Variants in ANKRD42 observed in about 807,000 individuals in gnomAD.
ANKRD42 encodes the protein ankyrin repeat domain-containing protein 42.
In ANKRD42, 43 loss-of-function variants were observed where a neutral mutation model predicts 51.5. The observed-to-expected ratio is 0.83, with a 90% CI of 0.65 to 1.08. The LOEUF (loss-of-function observed/expected upper bound fraction) is 1.08, where lower values mean the gene tolerates loss of function less well. Ranked by LOEUF, ANKRD42 falls within the 50% of genes least tolerant of loss-of-function variation. The pLI is 0.00. For missense variants in ANKRD42, 608 were observed against 629.3 expected (o/e 0.97, Z 0.36); for synonymous variants, 203 against 213.0 (o/e 0.95, Z 0.41).
intron 6 of ANKRD42, 63 bp downstream of exon 6, chr11:83,225,118 G>A: frequency 1.4e-6 from 2 of 1,401,216 alleles, no homozygotes; most frequent in Non-Finnish European, 2.0e-6. Context: ...ATAATATAAT[G>A]AGTAGAATCA....
At position 83,228,311 on chromosome 11, in the gene ANKRD42, G is replaced by A. The variant is rs181406985; in HGVS notation, c.913+439G>A. Reference sequence around the variant, plus strand: ...TGTCACCCAGGTTGGAGTGCAGGTGGAGACCTCCTGGGCTCAAGTCATCCT... The same window carrying A: ...TGTCACCCAGGTTGGAGTGCAGGTGAAGACCTCCTGGGCTCAAGTCATCCT... On this transcript the variant is annotated intron_variant, in intron 7 of 10. Transcript: ENST00000533342. Among the ~76,000 whole-genome samples, 16 of 131,620 alleles carry A rather than the reference G, an allele frequency of 1.2e-4. 1 individual carries two copies. Among genetic ancestry groups the A allele is most frequent in the African/African-American group, 4.1e-4 (14 of 34,488 alleles). The allele number at this position is 131,620 out of a possible 152,430, so 86.3% of individuals were successfully genotyped here.
intron 5 of ANKRD42, among the ~76,000 whole-genome samples, chr11:83,218,533 T>C (rs897757226): frequency 6.6e-6 from 1 of 152,166 alleles, no homozygotes; most frequent in Non-Finnish European, 1.5e-5. Flanking sequence ...ATAGGGATCA[T>C]CCGAGAATTT....
At chr11:83,250,483 G>C (rs570894017), downstream of ANKRD42, among the ~76,000 whole-genome samples, 7 of 152,266 alleles carry the variant, frequency 4.6e-5, no homozygotes, top group East Asian at 1.2e-3. Flanking sequence ...TGAGAGTCTT[G>C]TTAGAGCATA....
chr11:83,226,770 C>T (rs1357130422), intron 6 of ANKRD42, among the ~76,000 whole-genome samples: 1 of 151,592 alleles, frequency 6.6e-6, no homozygotes, highest in African/African-American at 2.4e-5. Context: ...GCTGTGACCA[C>T]ACCTCAGTGA....
At chr11:83,246,471 G>A (rs1186251227) in intron 10 of ANKRD42, among the ~76,000 whole-genome samples, 1 of 152,206 alleles carries the variant, frequency 6.6e-6, no homozygotes, top group African/African-American at 2.4e-5. Flanking sequence ...AATAGCTGCT[G>A]GGATAGAGGA....
chr11:83,245,462 T>C (rs1863516300), intron 9 of ANKRD42, 36 bp from the exon 10 acceptor site: 2 of 1,531,840 alleles, frequency 1.3e-6, no homozygotes, highest in East Asian at 2.4e-5. Context: ...AGCTGTTATA[T>C]GTCTAACTAG....
chr11:83,227,907 A>G lies in ANKRD42; in HGVS notation c.913+35A>G, dbSNP rs186174858. 1.1e-4 allele frequency: 176 copies of G among 1,563,836 alleles called. No homozygotes were observed. The African/African-American group carries it at 1.9e-3, about 17-fold the overall frequency. ...GATTCCTCCTTTCAGTTCGGATACAATAGCTGCTGAGTTATTCATCTTTTA... is the reference window on the plus strand; with the variant it reads ...GATTCCTCCTTTCAGTTCGGATACAGTAGCTGCTGAGTTATTCATCTTTTA... On this transcript the variant is annotated intron_variant, in intron 7 of 10. Coordinates refer to ENST00000533342, the MANE Select transcript of ANKRD42 (RefSeq NM_001300975.2).
At chr11:83,235,255 G>A (rs941784777) in intron 7 of ANKRD42, among the ~76,000 whole-genome samples, 3 of 152,180 alleles carry the variant, frequency 2.0e-5, no homozygotes, top group African/African-American at 7.2e-5. Context: ...GGAATTGAGG[G>A]ATGGAAGAAG....
At chr11:83,258,206 T>A (rs1031143404), downstream of ANKRD42, among the ~76,000 whole-genome samples, 2 of 152,248 alleles carry the variant, frequency 1.3e-5, no homozygotes, top group East Asian at 3.9e-4. Flanking sequence ...AAGAGAGAAA[T>A]AAACCTAATC....
At chr11:83,202,976 A>C (rs1861927418) in intron 2 of ANKRD42, among the ~76,000 whole-genome samples, 1 of 151,624 alleles carries the variant, frequency 6.6e-6, no homozygotes, top group African/African-American at 2.4e-5. Context: ...ATGTTCAATA[A>C]ATGTTGGTTG....
chr11:83,202,162 T>C (rs1861897339), intron 2 of ANKRD42, among the ~76,000 whole-genome samples: 1 of 152,240 alleles, frequency 6.6e-6, no homozygotes, highest in Non-Finnish European at 1.5e-5. Flanking sequence ...CTTGAATTAA[T>C]TTTTATATAA....
chr11:83,207,833 T>C (rs1862135690), intron 3 of ANKRD42, among the ~76,000 whole-genome samples: 1 of 152,258 alleles, frequency 6.6e-6, no homozygotes, highest in African/African-American at 2.4e-5. Flanking sequence ...GTTCAGGGGA[T>C]ATACCATTAT....
In ANKRD42 at chr11:83,248,551, T is replaced by A; in HGVS notation, c.*347T>A. 2 of 996,176 alleles carry A rather than the reference T, an allele frequency of 2.0e-6. No homozygotes were observed. The highest frequency in any genetic ancestry group is 2.4e-6 in the Non-Finnish European group (2 of 837,248). The allele number at this position is 996,176 out of a possible 1,614,324, so 61.7% of individuals were successfully genotyped here. On this transcript the variant is annotated 3_prime_UTR_variant, in exon 11 of 11. Coordinates refer to ENST00000533342, the MANE Select transcript of ANKRD42 (RefSeq NM_001300975.2). ...AAAGTGCTTTGAATGGAATCCATAT[T>A]TTCTTTCCATAGGGAAGTTTCTTCA...
chr11:83,201,248 T>C (rs1322512313), intron 2 of ANKRD42, among the ~76,000 whole-genome samples: 1 of 151,924 alleles, frequency 6.6e-6, no homozygotes, highest in Non-Finnish European at 1.5e-5. Context: ...GAACATGTGG[T>C]GTTTGGTTTT....
At chr11:83,245,203 A>G (rs770728350) in intron 9 of ANKRD42, among the ~76,000 whole-genome samples, 1 of 152,212 alleles carries the variant, frequency 6.6e-6, no homozygotes, top group African/African-American at 2.4e-5. Flanking sequence ...ATGCCTGGTC[A>G]ATACTGCTAG....
At chr11:83,198,391 T>G in intron 1 of ANKRD42, 88 bp from the exon 2 acceptor site, 1 of 1,303,252 alleles carries the variant, frequency 7.7e-7, no homozygotes, top group Non-Finnish European at 1.0e-6. Flanking sequence ...CCAAAGTAAT[T>G]TTGTGCTTTC....
chr11:83,231,946 A>G (rs149967811), intron 7 of ANKRD42, among the ~76,000 whole-genome samples: 88 of 152,098 alleles, frequency 5.8e-4, no homozygotes, highest in Admixed American at 4.5e-3. Flanking sequence ...CTATTGGTCT[A>G]TGTGTCTTGT....
intron 5 of ANKRD42, among the ~76,000 whole-genome samples, chr11:83,212,022 C>T (rs75332012): frequency 6.6e-6 from 1 of 152,010 alleles, no homozygotes; most frequent in African/African-American, 2.4e-5. Context: ...CATCTGCTAT[C>T]TAGTGTTTTT....
intron 2 of ANKRD42, among the ~76,000 whole-genome samples, chr11:83,199,780 C>T (rs1414002119): frequency 6.6e-6 from 1 of 152,146 alleles, no homozygotes; most frequent in Non-Finnish European, 1.5e-5. Flanking sequence ...GTATGGCAGT[C>T]CTGTGTGATA....
Sources: gnomAD v4.1 joint callset for allele counts (sites outside exome capture counted in the v4.1 genomes callset) on GRCh38, gnomAD v4.1.1 for gene constraint, MANE v1.5 for transcripts, NCBI Gene and HGNC (gene_info 2026-07-23, HGNC 2026-07-21) for gene names.